SHTN1: variants seen among roughly 807,000 people sequenced by gnomAD.
The protein encoded by SHTN1 is shootin 1.
SHTN1 carries 42 observed loss-of-function variants against 83.1 expected under a neutral mutation model. The observed-to-expected ratio is 0.51, with a 90% CI of 0.39 to 0.65. SHTN1 has a LOEUF of 0.65. Among genes scored for constraint, SHTN1 ranks in the 30% least tolerant of loss-of-function variants. The pLI is 0.00. For synonymous variants in SHTN1, 224 were observed against 247.7 expected, an observed-to-expected ratio of 0.90 and a Z score of 0.90; for missense variants, 622 against 737.8, an observed-to-expected ratio of 0.84 and a Z score of 1.82.
intron 1 of SHTN1, among the ~76,000 whole-genome samples, chr10:117,079,360 A>G (rs1394583167): frequency 8.1e-5 from 11 of 135,510 alleles, no homozygotes; most frequent in African/African-American, 2.3e-4. Flanking sequence ...TACAAAGGAC[A>G]TGAACTCATC....
rs200487229 is a variant in SHTN1, at chr10:116,927,880, G to A, written c.1024C>T (p.Gln342Ter). Residue 342 changes from glutamine (Q) to a stop codon, truncating the protein, a stop_gained, in exon 11 of 17, where the codon CAG becomes TAG. Transcript: ENST00000355371. LOFTEE classifies it high-confidence loss of function. ...TTCTCAGACTGGTTCACTCGTTTCT[G>A]GAGTTCATCAACTGCACAGAGAGCA... ...RNLKHSVDELQKRVNQSENSV... is the reference protein window; with the variant it reads ...RNLKHSVDEL The A allele has an allele frequency of 6.2e-7, 1 of 1,612,466 alleles. No individual in the cohort carries two copies. The highest frequency in any genetic ancestry group is 8.5e-7 in the Non-Finnish European group (1 of 1,179,264).
chr10:117,087,342 AC>A (rs1480373927), intron 1 of SHTN1, among the ~76,000 whole-genome samples: 1 of 152,244 alleles, frequency 6.6e-6, no homozygotes, highest in East Asian at 1.9e-4. Flanking sequence ...CCTACCGGGT[AC>A]AAAGATTTCA....
chr10:116,911,385 G>A, intron 14 of SHTN1: 1 of 1,366,222 alleles, frequency 7.3e-7, no homozygotes, highest in South Asian at 1.5e-5. Flanking sequence ...AGCTATTTGG[G>A]GAGGAATTTA....
rs995275166 is a variant in SHTN1 at position 116,886,133 on chromosome 10, T to C, written c.*211A>G. Reference sequence around the variant, plus strand: ...GAAAAAAACCTCATCTTTATAAAGATCAAAAAACCAAAACCTACTAGGAAT... The same window carrying C: ...GAAAAAAACCTCATCTTTATAAAGACCAAAAAACCAAAACCTACTAGGAAT... On this transcript the variant is annotated 3_prime_UTR_variant, in exon 17 of 17. Transcript: ENST00000355371. 3.1e-6 allele frequency: 2 copies of C among 641,584 alleles called. No individual in the cohort carries two copies. Among genetic ancestry groups the C allele is most frequent in the Admixed American group, 6.4e-5 (2 of 31,212 alleles). 39.7% of individuals were successfully genotyped at this position (641,584 alleles called of 1,614,324 possible).
At chr10:116,888,176 T>C (rs1000595293) in intron 16 of SHTN1, among the ~76,000 whole-genome samples, 8 of 152,086 alleles carry the variant, frequency 5.3e-5, no homozygotes, top group African/African-American at 1.9e-4. Flanking sequence ...GAGGACAGAT[T>C]CCTTTATTTT....
chr10:117,124,356 C>G (rs765676600), intron 1 of SHTN1, among the ~76,000 whole-genome samples: 5 of 152,108 alleles, frequency 3.3e-5, no homozygotes, highest in Non-Finnish European at 7.3e-5. Context: ...GACAGTGAAG[C>G]AAAACTCAGG....
rs533834692 is a variant in SHTN1, at chr10:116,894,639, C to T, written c.1673+7126G>A. ...TTGAAATGGAACAGGAGTTCCCTTT[C>T]GAAGGGCTTCTCCCTTTTGAAGTAA... On this transcript the variant is annotated intron_variant, in intron 16 of 16. Transcript: ENST00000355371. Among the ~76,000 whole-genome samples, 5 of 152,254 alleles carry T rather than the reference C, an allele frequency of 3.3e-5. No individual in the cohort carries two copies. The East Asian group carries it at 7.7e-4, about 24-fold the overall frequency.
chr10:116,924,746 A>ATT (rs201343735), intron 11 of SHTN1, among the ~76,000 whole-genome samples: 4 of 89,522 alleles, frequency 4.5e-5, no homozygotes, highest in Non-Finnish European at 6.7e-5. Context: ...ATTTTCACCT[A>ATT]TTTTTTTTTT....
intron 15 of SHTN1, among the ~76,000 whole-genome samples, chr10:116,905,126 C>T (rs1234709264): frequency 1.5e-4 from 22 of 148,706 alleles, no homozygotes; most frequent in Admixed American, 1.2e-3. Context: ...GCGTTGAACC[C>T]GGGAAGCGGA....
At chr10:117,029,845 T>C (rs1475380125) in intron 2 of SHTN1, among the ~76,000 whole-genome samples, 1 of 150,482 alleles carries the variant, frequency 6.6e-6, no homozygotes, top group Non-Finnish European at 1.5e-5. Context: ...TTTCTTTCTT[T>C]CTCTCTCTCT....
chr10:117,092,652 G>A (rs1853449049), intron 1 of SHTN1, among the ~76,000 whole-genome samples: 1 of 152,156 alleles, frequency 6.6e-6, no homozygotes, highest in Non-Finnish European at 1.5e-5. Flanking sequence ...GGGTCACTGA[G>A]AGAAAAGCTG....
rs1416385575 is a variant in SHTN1, at chr10:117,005,069, G to A, written c.11C>T (p.Ser4Leu). Reference protein sequence around the residue: MNSSDEEKQLQLIT... With the variant: MNSLDEEKQLQLIT... ...GAGCTGCAGCTGCTTCTCTTCGTCC[G>A]AGCTGTTCATTTTGGCGGGTGGGGC... Residue 4 changes from serine (S) to leucine (L), a missense_variant, in exon 1 of 17, where the codon TCG (serine) becomes TTG (leucine). By Grantham distance (145) the Ser-to-Leu change is moderately radical (BLOSUM62 -2). Coordinates refer to ENST00000355371, the MANE Select transcript of SHTN1 (RefSeq NM_001127211.3). 4 of 1,598,136 alleles carry A rather than the reference G, an allele frequency of 2.5e-6. No homozygotes were observed. The highest frequency in any genetic ancestry group is 1.3e-5 in the African/African-American group (1 of 74,760).
chr10:116,903,354 G>A (rs1847823594), intron 15 of SHTN1, among the ~76,000 whole-genome samples: 2 of 152,044 alleles, frequency 1.3e-5, no homozygotes, highest in Admixed American at 1.3e-4. Context: ...CCAACATGGT[G>A]AAACCCTGTC....
At chr10:116,888,474 A>G (rs567506717) in intron 16 of SHTN1, among the ~76,000 whole-genome samples, 1 of 152,340 alleles carries the variant, frequency 6.6e-6, no homozygotes, top group African/African-American at 2.4e-5. Context: ...CTGGGCCTGC[A>G]GTCAGCTGTT....
intron 12 of SHTN1, among the ~76,000 whole-genome samples, chr10:116,920,908 T>C (rs1379549332): frequency 6.6e-6 from 1 of 152,176 alleles, no homozygotes; most frequent in East Asian, 1.9e-4. Flanking sequence ...CTACTCAGCT[T>C]GAACATCATT....
At chr10:116,940,323 G>A (rs1387471498) in intron 9 of SHTN1, 143 bp downstream of exon 9, 4 of 682,996 alleles carry the variant, frequency 5.9e-6, no homozygotes, top group African/African-American at 3.6e-5. Context: ...TTTCTAAAAG[G>A]TGGTTGAAAG....
intron 1 of SHTN1, among the ~76,000 whole-genome samples, chr10:116,998,923 T>C (rs1796198262): frequency 6.6e-6 from 1 of 152,204 alleles, no homozygotes; most frequent in African/African-American, 2.4e-5. Flanking sequence ...TATATATATG[T>C]GTAACCATCC....
intron 2 of SHTN1, among the ~76,000 whole-genome samples, chr10:116,972,760 T>C (rs909608686): frequency 6.6e-6 from 1 of 152,236 alleles, no homozygotes; most frequent in African/African-American, 2.4e-5. Flanking sequence ...CGATTCTCTG[T>C]AGCTCAAGGC....
intron 1 of SHTN1, among the ~76,000 whole-genome samples, chr10:117,061,966 C>T (rs1055304814): frequency 1.3e-5 from 2 of 152,090 alleles, no homozygotes; most frequent in African/African-American, 4.8e-5. Flanking sequence ...CATGGGTTTG[C>T]TTCAGGTTTA....
Sources: allele counts gnomAD v4.1 joint callset (sites outside exome capture counted in the v4.1 genomes callset), GRCh38; gene constraint gnomAD v4.1.1; transcripts MANE v1.5; gene names NCBI Gene and HGNC (gene_info 2026-07-23, HGNC 2026-07-21).